TMEM245: variants seen among roughly 807,000 people sequenced by gnomAD.
TMEM245 encodes protein CG-2.
A neutral mutation model predicts 101.2 loss-of-function variants in TMEM245; 69 were observed. That is an observed-to-expected ratio of 0.68 (90% CI 0.56 to 0.83). The LOEUF is 0.83. Among genes scored for constraint, TMEM245 ranks in the 40% least tolerant of loss-of-function variants. The probability of loss-of-function intolerance (pLI) is 0.00; values close to 1 mark genes in which losing one functional copy is unlikely to be tolerated. For missense variants in TMEM245, 1,075 were observed against 1,092.8 expected (o/e 0.98, Z 0.23); for synonymous variants, 537 against 449.8 (o/e 1.19, Z -2.45).
chr9:109,035,755 T>C (rs527873429), intron 16 of TMEM245, among the ~76,000 whole-genome samples: 4 of 152,066 alleles, frequency 2.6e-5, no homozygotes, highest in Admixed American at 6.5e-5. Context: ...ATCATATATA[T>C]TATAAATATT....
At chr9:109,115,252 C>G (rs1419065201) in intron 1 of TMEM245, among the ~76,000 whole-genome samples, 1 of 151,958 alleles carries the variant, frequency 6.6e-6, no homozygotes. Flanking sequence ...GAGGCTGAAG[C>G]AGAATTGCTT....
chr9:109,114,901 C>T (rs1830672069), intron 1 of TMEM245, among the ~76,000 whole-genome samples: 1 of 152,044 alleles, frequency 6.6e-6, no homozygotes, highest in Admixed American at 6.6e-5. Flanking sequence ...GTGCAATCTC[C>T]TAACATATTT....
rs765206770 is a variant in TMEM245 at position 109,060,306 on chromosome 9, A to T, written c.1722+48T>A. The T allele has an allele frequency of 5.1e-6, 7 of 1,363,994 alleles. No individual in the cohort carries two copies. In the African/African-American group the frequency reaches 1.0e-4, roughly 20 times the overall value. 84.5% of individuals were successfully genotyped at this position (1,363,994 alleles called of 1,614,324 possible). ...TCCTATCTAGTTGATGAGTCAATAAAAGGACTTTATTAGTTTACAACAGGA... is the reference window on the plus strand; with the variant it reads ...TCCTATCTAGTTGATGAGTCAATAATAGGACTTTATTAGTTTACAACAGGA... On this transcript the variant is annotated intron_variant, in intron 11 of 17. Transcript: ENST00000374586.
intron 1 of TMEM245, among the ~76,000 whole-genome samples, chr9:109,112,803 C>T (rs1051981947): frequency 5.3e-5 from 8 of 151,946 alleles, no homozygotes; most frequent in Middle Eastern, 3.2e-3. Context: ...TTCGGCCGGG[C>T]GCGGTGGCTC....
chr9:109,112,461 A>C (rs1830591016), intron 1 of TMEM245, among the ~76,000 whole-genome samples: 1 of 151,786 alleles, frequency 6.6e-6, no homozygotes, highest in Non-Finnish European at 1.5e-5. Flanking sequence ...GAATCGCTTG[A>C]ACCCAGGAGG....
In TMEM245 at chr9:109,068,173, C is replaced by A. The variant is rs574335379; in HGVS notation, c.1533-3606G>T. Among the ~76,000 whole-genome samples, 5 of 152,122 alleles carry A rather than the reference C, an allele frequency of 3.3e-5. No individual in the cohort carries two copies. The South Asian group carries it at 1.0e-3, about 32-fold the overall frequency. ...ATGACATCAGGAGATCGAGACCATC[C>A]TGGCTAACACGGTGAAACCCTATCT... On this transcript the variant is annotated intron_variant, in intron 9 of 17. Transcript: ENST00000374586.
Position 109,119,902 on chromosome 9 carries a change from G to T in TMEM245, c.12C>A (p.Gly4=). Residue 4 remains glycine, a synonymous_variant, in exon 1 of 18, where the codon GGC becomes GGA. Coordinates refer to ENST00000374586, the MANE Select transcript of TMEM245 (RefSeq NM_032012.4). Reference sequence around the variant, plus strand: ...GGCTTGGCGCGTCCTTAGGGCCGCCGCCGTCGGCCATCGTTCCTCCGCCAC... The same window carrying T: ...GGCTTGGCGCGTCCTTAGGGCCGCCTCCGTCGGCCATCGTTCCTCCGCCAC... MAD[G]GGPKDAPSLR... The T allele has an allele frequency of 2.4e-6, 3 of 1,271,784 alleles. No individual in the cohort carries two copies. Among genetic ancestry groups the T allele is most frequent in the Non-Finnish European group, 3.0e-6 (3 of 1,014,112 alleles). 78.8% of individuals were successfully genotyped at this position (1,271,784 alleles called of 1,614,324 possible).
intron 14 of TMEM245, chr9:109,039,415 C>T (rs913170683): frequency 2.0e-4 from 30 of 152,222 alleles, no homozygotes; most frequent in African/African-American, 7.0e-4. Flanking sequence ...AACAGAGCTT[C>T]AGGTTTTAAA....
chr9:109,020,219 CT>C lies in TMEM245; in HGVS notation c.*240del, dbSNP rs1468996060. 1 of 544,318 alleles carries C rather than the reference CT, an allele frequency of 1.8e-6. No individual in the cohort carries two copies. The highest frequency in any genetic ancestry group is 3.3e-5 in the East Asian group (1 of 30,394). 33.7% of individuals were successfully genotyped at this position (544,318 alleles called of 1,614,324 possible). ...TATAAAATGAAACTTTTCAAGCCAT[CT>C]TAACAACAGTTAAGTGAGCAAACCA... On this transcript the variant is annotated 3_prime_UTR_variant, in exon 18 of 18. Transcript: ENST00000374586.
chr9:109,089,169 G>C (rs1305087229), intron 5 of TMEM245, among the ~76,000 whole-genome samples: 1 of 151,932 alleles, frequency 6.6e-6, no homozygotes, highest in East Asian at 1.9e-4. Flanking sequence ...GCTGAGGCAG[G>C]AGGATCACTT....
intron 3 of TMEM245, among the ~76,000 whole-genome samples, chr9:109,093,811 A>G (rs1325919174): frequency 6.6e-6 from 1 of 152,206 alleles, no homozygotes; most frequent in East Asian, 1.9e-4. Flanking sequence ...TCCTTTGGGA[A>G]CTTAATGCTG....
chr9:109,045,941 A>G (rs1199775632), intron 14 of TMEM245, among the ~76,000 whole-genome samples: 1 of 152,184 alleles, frequency 6.6e-6, no homozygotes, highest in East Asian at 1.9e-4. Context: ...ACATTTAAAT[A>G]TTGTTTATAC....
chr9:109,068,348 CGA>C (rs1829232360), intron 9 of TMEM245, among the ~76,000 whole-genome samples: 1 of 130,388 alleles, frequency 7.7e-6, no homozygotes, highest in Admixed American at 8.4e-5. Flanking sequence ...CCAGCCTGGG[CGA>C]CAGAGCAAGA....
At chr9:109,048,188 A>AT (rs1331508320) in intron 14 of TMEM245, among the ~76,000 whole-genome samples, 3 of 151,940 alleles carry the variant, frequency 2.0e-5, no homozygotes, top group Admixed American at 1.3e-4. Flanking sequence ...TGTTAAGAGC[A>AT]TTTTTTTTAA....
Position 109,093,469 on chromosome 9 carries a change from A to C in TMEM245, c.916+6T>G. On this transcript the variant is annotated splice_donor_region_variant and intron_variant, in intron 4 of 17. Coordinates refer to ENST00000374586, the MANE Select transcript of TMEM245 (RefSeq NM_032012.4). Reference sequence around the variant, plus strand: ...TAACCTTGAATGTCACCAGAACATCAGTCACCTGCAGGCTGAGTGGAGGGC... The same window carrying C: ...TAACCTTGAATGTCACCAGAACATCCGTCACCTGCAGGCTGAGTGGAGGGC... The C allele has an allele frequency of 6.2e-7, 1 of 1,605,562 alleles. No individual in the cohort carries two copies. The highest frequency in any genetic ancestry group is 8.5e-7 in the Non-Finnish European group (1 of 1,175,578).
At position 109,080,865 on chromosome 9, in the gene TMEM245, G is replaced by GAAGA; in HGVS notation, c.1419_1422dup (p.Leu475SerfsTer20). ...TTTGCAGTCAGGAGTAGGGCTAAAA[G>GAAGA]AAGAGTTCCTATCACTAACAAAAAT... On this transcript the variant is annotated frameshift_variant, in exon 8 of 18. Transcript: ENST00000374586. LOFTEE classifies it high-confidence loss of function. 6.2e-7 allele frequency: 1 copy of GAAGA among 1,604,738 alleles called. No individual in the cohort carries two copies. Among genetic ancestry groups the GAAGA allele is most frequent in the African/African-American group, 1.3e-5 (1 of 74,756 alleles).
At chr9:109,085,515 A>C (rs1442445151) in intron 7 of TMEM245, among the ~76,000 whole-genome samples, 2 of 152,258 alleles carry the variant, frequency 1.3e-5, no homozygotes, top group African/African-American at 2.4e-5. Context: ...TTGAAATACT[A>C]GTTATTTAAA....
intron 9 of TMEM245, 26 bp from the exon 10 acceptor site, chr9:109,064,593 A>C: frequency 6.3e-7 from 1 of 1,594,740 alleles, no homozygotes; most frequent in South Asian, 1.1e-5. Flanking sequence ...GAAAAAAATG[A>C]AAAAAGTACA....
intron 9 of TMEM245, among the ~76,000 whole-genome samples, chr9:109,068,998 G>A (rs1233956852): frequency 6.6e-6 from 1 of 152,154 alleles, no homozygotes; most frequent in Non-Finnish European, 1.5e-5. Context: ...GAAGGTCAGT[G>A]TATTATAGCA....
Sources: gnomAD v4.1 joint callset for allele counts (sites outside exome capture counted in the v4.1 genomes callset) on GRCh38, gnomAD v4.1.1 for gene constraint, MANE v1.5 for transcripts, NCBI Gene and HGNC (gene_info 2026-07-23, HGNC 2026-07-21) for gene names.